The following PLGRKT variants were observed in gnomAD, a reference collection of about 807,000 sequenced individuals.
The protein encoded by PLGRKT is plasminogen receptor with a C-terminal lysine, also known as plasminogen receptor (KT).
A neutral mutation model predicts 18.5 loss-of-function variants in PLGRKT; 22 were observed. That is an observed-to-expected ratio of 1.19 (90% CI 0.85 to 1.70). The LOEUF (loss-of-function observed/expected upper bound fraction) is 1.70, where lower values mean the gene tolerates loss of function less well. Among genes scored for constraint, PLGRKT ranks in the 40% most tolerant of loss-of-function variants. The probability of loss-of-function intolerance (pLI) is 0.00; values close to 1 mark genes in which losing one functional copy is unlikely to be tolerated. For missense variants in PLGRKT, 235 were observed against 174.4 expected, an observed-to-expected ratio of 1.35 and a Z score of -1.96; for synonymous variants, 72 against 52.8, an observed-to-expected ratio of 1.36 and a Z score of -1.58.
intron 3 of PLGRKT, among the ~76,000 whole-genome samples, chr9:5,419,899 T>G (rs556366196): frequency 6.6e-6 from 1 of 152,290 alleles, no homozygotes; most frequent in East Asian, 1.9e-4. Flanking sequence ...GGAAAACAAC[T>G]GTTCAAACAA....
intron 3 of PLGRKT, among the ~76,000 whole-genome samples, chr9:5,362,991 T>C (rs1028973253): frequency 3.3e-5 from 5 of 151,890 alleles, no homozygotes; most frequent in African/African-American, 4.8e-5. Context: ...GCCGCTTCCA[T>C]CTCCCTCAAC....
At chr9:5,394,449 G>C (rs1324116959) in intron 3 of PLGRKT, among the ~76,000 whole-genome samples, 2 of 151,928 alleles carry the variant, frequency 1.3e-5, no homozygotes, top group Admixed American at 6.5e-5. Flanking sequence ...GTCTCGCTGT[G>C]TTGCCCAGGC....
chr9:5,377,306 A>C (rs1817649047), intron 3 of PLGRKT, among the ~76,000 whole-genome samples: 1 of 151,974 alleles, frequency 6.6e-6, no homozygotes, highest in African/African-American at 2.4e-5. Context: ...GGCTGTTTTG[A>C]AATAATAGTA....
intron 3 of PLGRKT, among the ~76,000 whole-genome samples, chr9:5,393,124 G>A (rs1016994451): frequency 1.1e-4 from 17 of 151,806 alleles, no homozygotes; most frequent in South Asian, 2.1e-4. Flanking sequence ...TTACAGGTAT[G>A]AGCCACCGCA....
intron 3 of PLGRKT, among the ~76,000 whole-genome samples, chr9:5,370,039 C>T (rs1421000693): frequency 6.6e-6 from 1 of 151,856 alleles, no homozygotes; most frequent in African/African-American, 2.4e-5. Flanking sequence ...TGTAACAAAC[C>T]TGCACATTCT....
At chr9:5,417,217 T>C (rs1818479024) in intron 3 of PLGRKT, among the ~76,000 whole-genome samples, 2 of 152,206 alleles carry the variant, frequency 1.3e-5, no homozygotes, top group Non-Finnish European at 1.5e-5. Flanking sequence ...AGTTTCTTTA[T>C]CTGAGCCAGT....
At chr9:5,377,974 C>T (rs1817663923) in intron 3 of PLGRKT, among the ~76,000 whole-genome samples, 4 of 152,134 alleles carry the variant, frequency 2.6e-5, no homozygotes, top group African/African-American at 7.2e-5. Flanking sequence ...CAGAGTAAAC[C>T]TTTGTTCTCT....
At chr9:5,372,377 C>T (rs1817538540) in intron 3 of PLGRKT, among the ~76,000 whole-genome samples, 1 of 152,068 alleles carries the variant, frequency 6.6e-6, no homozygotes, top group South Asian at 2.1e-4. Flanking sequence ...CCTAATCTTC[C>T]CCCAAACCCT....
intron 3 of PLGRKT, chr9:5,382,078 T>C (rs1817757944): frequency 1.2e-6 from 1 of 861,572 alleles, no homozygotes; most frequent in African/African-American, 1.8e-5. Flanking sequence ...GTTTTATTCT[T>C]AGAGAAATTC....
intron 3 of PLGRKT, among the ~76,000 whole-genome samples, chr9:5,363,535 G>A (rs557876530): frequency 6.6e-6 from 1 of 152,152 alleles, no homozygotes; most frequent in Non-Finnish European, 1.5e-5. Flanking sequence ...CGCTGAGGGA[G>A]ACGGAAGTGG....
chr9:5,413,612 AG>A (rs1263999715), intron 3 of PLGRKT, among the ~76,000 whole-genome samples: 1 of 152,218 alleles, frequency 6.6e-6, no homozygotes, highest in South Asian at 2.1e-4. Flanking sequence ...AAACTAAAAA[AG>A]GCAAGGAAAG....
At chr9:5,429,076 T>TA (rs982058300) in intron 3 of PLGRKT, among the ~76,000 whole-genome samples, 32 of 151,222 alleles carry the variant, frequency 2.1e-4, no homozygotes, top group African/African-American at 7.3e-4. Flanking sequence ...TCACAATGAG[T>TA]AAAAAAAAAT....
chr9:5,433,481 C>T (rs1057434482), intron 2 of PLGRKT, among the ~76,000 whole-genome samples: 4 of 148,386 alleles, frequency 2.7e-5, no homozygotes, highest in Non-Finnish European at 5.9e-5. Context: ...AAGCAAGGAG[C>T]GACTCTGCCT....
intron 3 of PLGRKT, among the ~76,000 whole-genome samples, chr9:5,384,422 T>C (rs1231377523): frequency 6.6e-6 from 1 of 152,126 alleles, no homozygotes; most frequent in Non-Finnish European, 1.5e-5. Context: ...GAAGAAAAAG[T>C]CAGTAGTGCA....
chr9:5,406,576 G>A (rs1818261590), intron 3 of PLGRKT, among the ~76,000 whole-genome samples: 1 of 151,976 alleles, frequency 6.6e-6, no homozygotes, highest in Admixed American at 6.6e-5. Flanking sequence ...ATGGAGACAG[G>A]GAGGGGAACA....
At chr9:5,403,727 G>A (rs1818201381) in intron 3 of PLGRKT, among the ~76,000 whole-genome samples, 1 of 152,178 alleles carries the variant, frequency 6.6e-6, no homozygotes, top group African/African-American at 2.4e-5. Context: ...TGAGTATGAA[G>A]GGGAGGACTA....
At chr9:5,415,315 T>G (rs1488438602) in intron 3 of PLGRKT, among the ~76,000 whole-genome samples, 1 of 152,106 alleles carries the variant, frequency 6.6e-6, no homozygotes, top group Non-Finnish European at 1.5e-5. Flanking sequence ...CGAAAACATA[T>G]TCATATAAAT....
chr9:5,414,526 C>T (rs1818422911), intron 3 of PLGRKT, among the ~76,000 whole-genome samples: 1 of 152,096 alleles, frequency 6.6e-6, no homozygotes, highest in Non-Finnish European at 1.5e-5. Flanking sequence ...CTCCTCAGCA[C>T]TATAATTAAT....
rs1817178810 is a variant in PLGRKT at position 5,358,159 on chromosome 9, C to G, written c.*80G>C. ...AAAATAAAATCTATAATATCAAAAT[C>G]TTGAGCATTTAAAAAACTGTAAAAA... is the stretch of plus-strand genomic sequence containing the variant. On this transcript the variant is annotated 3_prime_UTR_variant, in exon 6 of 6. Transcript: ENST00000223864. 2.1e-6 allele frequency: 2 copies of G among 971,550 alleles called. No homozygotes were observed. Among genetic ancestry groups the G allele is most frequent in the Non-Finnish European group, 3.1e-6 (2 of 646,982 alleles). 60.2% of individuals were successfully genotyped at this position (971,550 alleles called of 1,614,324 possible).
Sources: allele counts gnomAD v4.1 joint callset (sites outside exome capture counted in the v4.1 genomes callset), GRCh38; gene constraint gnomAD v4.1.1; transcripts MANE v1.5; gene names NCBI Gene and HGNC (gene_info 2026-07-23, HGNC 2026-07-21).